The following UTP20 variants were observed in gnomAD, a reference collection of about 807,000 sequenced individuals.
UTP20 encodes the protein UTP20 small subunit processome component, also known as small subunit processome component 20 homolog.
UTP20 carries 164 observed loss-of-function variants against 329.5 expected under a neutral mutation model. The ratio of observed to expected loss-of-function variants is 0.50; its 90% CI spans 0.44 to 0.57. The LOEUF is 0.57. Ranked by LOEUF, UTP20 falls within the 20% of genes least tolerant of loss-of-function variation. UTP20 has a pLI of 0.00. For synonymous variants in UTP20, 1,151 were observed against 1,159.3 expected (o/e 0.99, Z 0.14); for missense variants, 3,055 against 3,284.2 (o/e 0.93, Z 1.71).
At chr12:101,284,452 T>C (rs1871894564) in intron 2 of UTP20, among the ~76,000 whole-genome samples, 1 of 152,184 alleles carries the variant, frequency 6.6e-6, no homozygotes, top group Admixed American at 6.6e-5. Context: ...TAATATTCCA[T>C]GGTGTATATG....
At chr12:101,324,812 T>C (rs1868501340) in intron 25 of UTP20, among the ~76,000 whole-genome samples, 1 of 152,242 alleles carries the variant, frequency 6.6e-6, no homozygotes, top group African/African-American at 2.4e-5. Flanking sequence ...GTTGCATCAG[T>C]ATTTATATTC....
Position 101,376,573 on chromosome 12 carries a change from G to C in UTP20, c.7396+817G>C, listed in dbSNP as rs192770044. Among the ~76,000 whole-genome samples, 18 of 152,124 alleles carry C rather than the reference G, an allele frequency of 1.2e-4. No homozygotes were observed. In the East Asian group the frequency reaches 3.5e-3, roughly 29 times the overall value. Reference sequence around the variant, plus strand: ...CACAGCCAAAAATAGAAAGGGTACAGTAAAAATACAGTGTGTATTTTTTTT... The same window carrying C: ...CACAGCCAAAAATAGAAAGGGTACACTAAAAATACAGTGTGTATTTTTTTT... On this transcript the variant is annotated intron_variant, in intron 56 of 61. Transcript: ENST00000261637.
chr12:101,324,620 A>G (rs1250692452), intron 25 of UTP20, among the ~76,000 whole-genome samples: 1 of 152,154 alleles, frequency 6.6e-6, no homozygotes, highest in African/African-American at 2.4e-5. Flanking sequence ...TTGACTCTTC[A>G]GTTGGCTTTT....
chr12:101,369,388 A>T (rs553109959), intron 48 of UTP20, among the ~76,000 whole-genome samples: 217 of 152,234 alleles, frequency 1.4e-3, no homozygotes, highest in Middle Eastern at 3.4e-3. Flanking sequence ...AGGCTGAGGC[A>T]GGAGGATTGC....
chr12:101,345,163 C>T (rs1565799759), intron 36 of UTP20, among the ~76,000 whole-genome samples: 1 of 151,988 alleles, frequency 6.6e-6, no homozygotes, highest in Admixed American at 6.6e-5. Context: ...CCAAGCTGGT[C>T]CCGAACTCCT....
intron 30 of UTP20, 105 bp from the exon 31 acceptor site, chr12:101,338,707 TA>T (rs35164790): frequency 0.15 from 138,027 of 914,928 alleles, 11,519 homozygotes; most frequent in Middle Eastern, 0.2. Flanking sequence ...AAATTTAACT[TA>T]AATGTTCATA....
chr12:101,357,906 C>A (rs915716427), intron 43 of UTP20, among the ~76,000 whole-genome samples: 1 of 152,176 alleles, frequency 6.6e-6, no homozygotes, highest in African/African-American at 2.4e-5. Flanking sequence ...AGGTCCTACA[C>A]CTGACCCTAC....
chr12:101,337,613 C>T (rs1432181611), intron 29 of UTP20, among the ~76,000 whole-genome samples: 1 of 152,160 alleles, frequency 6.6e-6, no homozygotes, highest in Non-Finnish European at 1.5e-5. Context: ...TGTTCTAGTA[C>T]ATAGGGTTTT....
chr12:101,298,790 CATG>C (rs2137241448), intron 12 of UTP20, among the ~76,000 whole-genome samples: 1 of 151,908 alleles, frequency 6.6e-6, no homozygotes, highest in Admixed American at 6.6e-5. Flanking sequence ...AGTTATCTAT[CATG>C]ATTTCCAGAC....
chr12:101,321,674 A>G, intron 25 of UTP20, 45 bp downstream of exon 25: 1 of 1,597,376 alleles, frequency 6.3e-7, no homozygotes, highest in Non-Finnish European at 8.5e-7. Context: ...GTTAATAACA[A>G]ACACAATTGT....
chr12:101,354,949 C>G lies in UTP20; in HGVS notation c.5225C>G (p.Pro1742Arg). 3 of 1,614,146 alleles carry G rather than the reference C, an allele frequency of 1.9e-6. No individual in the cohort carries two copies. Among genetic ancestry groups the G allele is most frequent in the Non-Finnish European group, 1.7e-6 (2 of 1,180,008 alleles). Residue 1742 changes from proline to arginine, a missense_variant, in exon 41 of 62, where the codon CCT (proline) becomes CGT (arginine). By Grantham distance (103) the Pro-to-Arg change is moderately radical. Coordinates refer to ENST00000261637, the MANE Select transcript of UTP20 (RefSeq NM_014503.3). ...SLSDNGQPGTPDPADSGGTSA... is the reference protein window; with the variant it reads ...SLSDNGQPGTRDPADSGGTSA... ...TCAGACAACGGACAACCGGGAACCC[C>G]TGATCCAGCTGACTCTGGAGGAACA...
At chr12:101,385,919 T>C in intron 61 of UTP20, 49 bp from the exon 62 acceptor site, 1 of 1,482,396 alleles carries the variant, frequency 6.7e-7, no homozygotes, top group African/African-American at 1.4e-5. Context: ...TTCTTATTGG[T>C]TTAACATTTA....
chr12:101,306,373 C>T (rs77822214), intron 16 of UTP20, among the ~76,000 whole-genome samples: 7,099 of 151,450 alleles, frequency 0.047, 547 homozygotes, highest in African/African-American at 0.16. Flanking sequence ...TTTAGGTATG[C>T]GGAAATACCT....
intron 40 of UTP20, 60 bp downstream of exon 40, chr12:101,353,189 A>G: frequency 8.4e-7 from 1 of 1,197,290 alleles, no homozygotes; most frequent in South Asian, 1.4e-5. Context: ...AGTGTATGGT[A>G]ATTAATTAAA....
chr12:101,321,684 T>A, intron 25 of UTP20, 55 bp downstream of exon 25: 1 of 1,583,700 alleles, frequency 6.3e-7, no homozygotes, highest in Non-Finnish European at 8.6e-7. Flanking sequence ...AACACAATTG[T>A]GAGTACAGTA....
Position 101,381,167 on chromosome 12 carries a change from C to T in UTP20, c.7612C>T (p.His2538Tyr), listed in dbSNP as rs1870633537. Reference sequence around the variant, plus strand: ...GAAAAGTATCTCTCTCGCCTCTTGCCATCAATTGCATTCCAAATTCTTGGA... The same window carrying T: ...GAAAAGTATCTCTCTCGCCTCTTGCTATCAATTGCATTCCAAATTCTTGGA... ...KMKSISLASC[H>Y]QLHSKFLDQS... The change falls in exon 58 of 62, where the codon CAT (histidine) becomes TAT (tyrosine). Residue 2538 changes from histidine (H) to tyrosine (Y), a missense_variant. Around this residue, in one of 3 missense-constraint regions of UTP20, gnomAD observed 337 missense variants for 345.5 expected, o/e 0.98. Coordinates refer to ENST00000261637, the MANE Select transcript of UTP20 (RefSeq NM_014503.3). 1 of 1,613,870 alleles carries T rather than the reference C, an allele frequency of 6.2e-7. No homozygotes were observed. The highest frequency in any genetic ancestry group is 1.1e-5 in the South Asian group (1 of 91,084).
chr12:101,300,130 G>A, intron 14 of UTP20, 69 bp downstream of exon 14: 1 of 1,394,920 alleles, frequency 7.2e-7, no homozygotes, highest in Non-Finnish European at 1.0e-6. Flanking sequence ...GTAAACACAT[G>A]AGCTATTAGA....
chr12:101,319,375 T>C (rs941371598), intron 22 of UTP20, among the ~76,000 whole-genome samples, 170 bp from the exon 23 acceptor site: 3 of 152,214 alleles, frequency 2.0e-5, no homozygotes, highest in Middle Eastern at 6.3e-3. Context: ...AAATATGGGA[T>C]TTCTGGAGAA....
At chr12:101,319,758 TA>T in intron 23 of UTP20, 123 bp downstream of exon 23, 2 of 742,132 alleles carry the variant, frequency 2.7e-6, no homozygotes, top group Non-Finnish European at 4.2e-6. Context: ...TTTTAAGTAT[TA>T]AAGCCTTTTT....
Sources: allele counts gnomAD v4.1 joint callset (sites outside exome capture counted in the v4.1 genomes callset), GRCh38; gene constraint gnomAD v4.1.1; regional missense constraint gnomAD v4.1.1; transcripts MANE v1.5; gene names NCBI Gene and HGNC (gene_info 2026-07-23, HGNC 2026-07-21).